L3MBTL3: variants seen among roughly 807,000 people sequenced by gnomAD.
L3MBTL3 encodes the protein lethal(3)malignant brain tumor-like protein 3.
Under a neutral mutation model 102.3 loss-of-function variants are expected in L3MBTL3, and 27 were observed. The observed-to-expected ratio is 0.26, with a 90% CI of 0.19 to 0.36. The LOEUF (loss-of-function observed/expected upper bound fraction) is 0.36, where lower values mean the gene tolerates loss of function less well. Ranked by LOEUF, L3MBTL3 falls within the 10% of genes least tolerant of loss-of-function variation. The pLI is 1.00. For missense variants in L3MBTL3, 798 were observed against 955.3 expected (o/e 0.84, Z 2.17); for synonymous variants, 340 against 320.9 (o/e 1.06, Z -0.64).
chr6:130,077,816 C>T (rs1398877032), intron 13 of L3MBTL3, among the ~76,000 whole-genome samples: 1 of 152,138 alleles, frequency 6.6e-6, no homozygotes, highest in African/African-American at 2.4e-5. Flanking sequence ...TATAGCAAAA[C>T]TGACTGGACT....
chr6:130,061,022 C>T (rs768567849), intron 10 of L3MBTL3, among the ~76,000 whole-genome samples: 1 of 151,390 alleles, frequency 6.6e-6, no homozygotes, highest in East Asian at 1.9e-4. Flanking sequence ...TGATAACATA[C>T]GGTTACATAG....
intron 13 of L3MBTL3, among the ~76,000 whole-genome samples, chr6:130,076,803 T>G (rs1409652571): frequency 6.6e-6 from 1 of 152,316 alleles, no homozygotes; most frequent in East Asian, 1.9e-4. Flanking sequence ...GTTGTTTGCT[T>G]ATTAAGAAAA....
At chr6:130,124,123 T>A (rs998397557) in intron 20 of L3MBTL3, among the ~76,000 whole-genome samples, 7 of 151,990 alleles carry the variant, frequency 4.6e-5, no homozygotes, top group Non-Finnish European at 4.4e-5. Flanking sequence ...CGGTTCGGAG[T>A]TATCCCAAAT....
chr6:130,098,293 A>G (rs1257246320), intron 18 of L3MBTL3, among the ~76,000 whole-genome samples: 1 of 152,212 alleles, frequency 6.6e-6, no homozygotes, highest in African/African-American at 2.4e-5. Context: ...CTATCCGTGA[A>G]CAAACCTTTG....
chr6:130,029,470 C>T (rs997794877), intron 2 of L3MBTL3, among the ~76,000 whole-genome samples: 2 of 152,188 alleles, frequency 1.3e-5, no homozygotes, highest in Non-Finnish European at 2.9e-5. Context: ...TGGCCTAGTC[C>T]TGAGTAGTTT....
chr6:130,049,312 G>A lies in L3MBTL3; in HGVS notation c.133G>A (p.Val45Ile). Residue 45 changes from valine (V) to isoleucine (I), a missense_variant, in exon 4 of 23, where the codon GTT (valine) becomes ATT (isoleucine). Transcript: ENST00000361794. Reference sequence around the variant, plus strand: ...GGTAAATGAGTTTGGAGCCCTGGAAGTTATTACAGATGAGAATGAGATGGA... The same window carrying A: ...GGTAAATGAGTTTGGAGCCCTGGAAATTATTACAGATGAGAATGAGATGGA... The part of the protein sequence containing the change: ...FRVNEFGALE[V>I]ITDENEMENV... 6.2e-7 allele frequency: 1 copy of A among 1,613,562 alleles called. No individual in the cohort carries two copies. Among genetic ancestry groups the A allele is most frequent in the African/African-American group, 1.3e-5 (1 of 75,004 alleles).
intron 2 of L3MBTL3, among the ~76,000 whole-genome samples, chr6:130,024,377 C>A (rs1199624789): frequency 6.6e-6 from 1 of 151,994 alleles, no homozygotes; most frequent in East Asian, 1.9e-4. Flanking sequence ...ACAAAATAAA[C>A]CCTGACAGGT....
At chr6:130,042,978 G>T (rs1780516907) in intron 3 of L3MBTL3, among the ~76,000 whole-genome samples, 177 bp downstream of exon 3, 1 of 152,202 alleles carries the variant, frequency 6.6e-6, no homozygotes. Flanking sequence ...CTGATGGAAT[G>T]GCAGAGCCTT....
chr6:130,026,193 T>C (rs1779333379), intron 2 of L3MBTL3, among the ~76,000 whole-genome samples: 1 of 152,200 alleles, frequency 6.6e-6, no homozygotes, highest in African/African-American at 2.4e-5. Context: ...AGATGCTTTA[T>C]ATTTATTTAT....
At chr6:130,034,096 T>G (rs1225968347) in intron 2 of L3MBTL3, among the ~76,000 whole-genome samples, 1 of 152,224 alleles carries the variant, frequency 6.6e-6, no homozygotes, top group African/African-American at 2.4e-5. Flanking sequence ...ATTTTGAATA[T>G]GCTGCAGGAA....
chr6:130,094,169 A>T, intron 17 of L3MBTL3, 96 bp from the exon 18 acceptor site: 1 of 834,678 alleles, frequency 1.2e-6, no homozygotes, highest in Non-Finnish European at 1.8e-6. Flanking sequence ...ATTTTTAGGG[A>T]GTCTTTTTCT....
At position 130,075,111 on chromosome 6, in the gene L3MBTL3, A is replaced by G. The variant is rs191622306; in HGVS notation, c.1245-3447A>G. On this transcript the variant is annotated intron_variant, in intron 13 of 22. Coordinates refer to ENST00000361794, the MANE Select transcript of L3MBTL3 (RefSeq NM_032438.4). ...TGGTGGTGATGGGAAGGCCGTGGAG[A>G]TGAATGGAACCTGGGCTGTTCTGAA... 2.1e-4 allele frequency among the ~76,000 whole-genome samples: 32 copies of G among 152,212 alleles called. 1 individual carries two copies. Among genetic ancestry groups the G allele is most frequent in the Admixed American group, 1.9e-3 (29 of 15,274 alleles).
intron 20 of L3MBTL3, among the ~76,000 whole-genome samples, chr6:130,126,831 A>G (rs185357267): frequency 6.6e-6 from 1 of 152,314 alleles, no homozygotes; most frequent in East Asian, 1.9e-4. Context: ...AAAGAGGCAT[A>G]CAGAATGTAT....
intron 10 of L3MBTL3, among the ~76,000 whole-genome samples, chr6:130,061,082 CTT>C (rs146750598): frequency 0.41 from 46,110 of 113,212 alleles, 9,106 homozygotes; most frequent in East Asian, 0.65. Flanking sequence ...TCTGTTAGCT[CTT>C]TTTTTTTTTT....
At chr6:130,032,681 A>T (rs1043016792) in intron 2 of L3MBTL3, among the ~76,000 whole-genome samples, 8 of 152,200 alleles carry the variant, frequency 5.3e-5, no homozygotes, top group Non-Finnish European at 1.5e-5. Flanking sequence ...CATTTTACAC[A>T]TGGGGAAATT....
At chr6:130,094,124 C>G (rs1426284518) in intron 17 of L3MBTL3, 141 bp from the exon 18 acceptor site, 2 of 511,334 alleles carry the variant, frequency 3.9e-6, no homozygotes, top group African/African-American at 3.9e-5. Flanking sequence ...ATAGGATCTA[C>G]TTTTTCTGTT....
chr6:130,063,379 G>T (rs1401156490), intron 10 of L3MBTL3, among the ~76,000 whole-genome samples: 2 of 152,192 alleles, frequency 1.3e-5, no homozygotes, highest in African/African-American at 4.8e-5. Flanking sequence ...GGGAGAGGGA[G>T]TTGGACAGGA....
In L3MBTL3 at chr6:130,052,981, A is replaced by T; in HGVS notation, c.572A>T (p.Asp191Val). The change falls in exon 7 of 23, where the codon GAT becomes GTT. Residue 191 changes from aspartate to valine, a missense_variant. Physicochemically the swap from Asp to Val is radical, Grantham distance 152. Coordinates refer to ENST00000361794, the MANE Select transcript of L3MBTL3 (RefSeq NM_032438.4). ...ACCAAGGAGGATGGAGAAGAGAGAG[A>T]TGATGAAATGGTGAGTGCCTCTGCC... Reference protein sequence around the residue: ...ADTKEDGEERDDEMENKQDVR... With the variant: ...ADTKEDGEERVDEMENKQDVR... 6.2e-7 allele frequency: 1 copy of T among 1,613,210 alleles called. No individual in the cohort carries two copies. The highest frequency in any genetic ancestry group is 8.5e-7 in the Non-Finnish European group (1 of 1,179,192).
chr6:130,061,975 G>C (rs949355304), intron 10 of L3MBTL3, among the ~76,000 whole-genome samples: 1 of 152,132 alleles, frequency 6.6e-6, no homozygotes, highest in Non-Finnish European at 1.5e-5. Flanking sequence ...TGTGTCTTGC[G>C]CCATGGCAAC....
Sources: allele counts gnomAD v4.1 joint callset (sites outside exome capture counted in the v4.1 genomes callset), GRCh38; gene constraint gnomAD v4.1.1; transcripts MANE v1.5; gene names NCBI Gene and HGNC (gene_info 2026-07-23, HGNC 2026-07-21).